SLC17A1: variants seen among roughly 807,000 people sequenced by gnomAD.
SLC17A1 encodes the protein sodium-dependent phosphate transport protein 1.
In SLC17A1, 51 loss-of-function variants were observed where a neutral mutation model predicts 53.5. The observed-to-expected ratio is 0.95, with a 90% CI of 0.76 to 1.20. The LOEUF is 1.20. Among genes scored for constraint, SLC17A1 ranks in the 50% most tolerant of loss-of-function variants. SLC17A1 has a pLI of 0.00. For synonymous variants in SLC17A1, 179 were observed against 198.8 expected (o/e 0.90, Z 0.84); for missense variants, 538 against 568.2 (o/e 0.95, Z 0.54).
chr6:25,728,070 T>A, the SLC17A1 span, among the ~76,000 whole-genome samples: 1 of 152,232 alleles, frequency 6.6e-6, no homozygotes, highest in South Asian at 2.1e-4. Context: ...TACTGGTATA[T>A]TTAAGGTTAG....
the SLC17A1 span, chr6:25,776,640 A>T: frequency 6.2e-7 from 1 of 1,613,658 alleles, no homozygotes; most frequent in African/African-American, 1.3e-5. Flanking sequence ...ATGTATCTGC[A>T]TTATCCTTGG....
chr6:25,744,600 C>T, the SLC17A1 span, among the ~76,000 whole-genome samples: 1 of 152,130 alleles, frequency 6.6e-6, no homozygotes, highest in African/African-American at 2.4e-5. Flanking sequence ...TTAGTATTTA[C>T]TCTCCATGCT....
chr6:25,818,362 T>C (rs950147187), intron 6 of SLC17A1, among the ~76,000 whole-genome samples: 2 of 152,214 alleles, frequency 1.3e-5, no homozygotes, highest in African/African-American at 4.8e-5. Flanking sequence ...TGCTAGATAT[T>C]CCGAGCTCCT....
At chr6:25,814,389 T>A (rs548782193) in intron 6 of SLC17A1, among the ~76,000 whole-genome samples, 9 of 152,304 alleles carry the variant, frequency 5.9e-5, no homozygotes, top group Admixed American at 3.9e-4. Context: ...ATTCATATAA[T>A]ACTGTTTATT....
At chr6:25,781,207 AAGAGAGAGAG>A (rs1187986077), downstream of SLC17A1, 1 of 119,546 alleles carries the variant, frequency 8.4e-6, no homozygotes, top group African/African-American at 3.0e-5. Context: ...AAAGAAAAGA[AAGAGAGAGAG>A]AGAGAGAGAA....
At chr6:25,781,063 C>T (rs543206865), downstream of SLC17A1, 1 of 152,056 alleles carries the variant, frequency 6.6e-6, no homozygotes, top group East Asian at 1.9e-4. Context: ...GTAGTGATTA[C>T]AATTTTTGCA....
chr6:25,771,899 G>A, the SLC17A1 span, among the ~76,000 whole-genome samples: 140 of 152,252 alleles, frequency 9.2e-4, no homozygotes, highest in Middle Eastern at 3.4e-3. Flanking sequence ...ATTTTACTAC[G>A]TTACAGTTTT....
the SLC17A1 span, among the ~76,000 whole-genome samples, chr6:25,730,019 G>A: frequency 2.0e-4 from 30 of 152,234 alleles, no homozygotes; most frequent in South Asian, 1.7e-3. Context: ...TTTTTAAAAT[G>A]TGTGATATAG....
chr6:25,790,039 A>C (rs1317680304), intron 12 of SLC17A1, among the ~76,000 whole-genome samples: 1 of 152,176 alleles, frequency 6.6e-6, no homozygotes, highest in African/African-American at 2.4e-5. Flanking sequence ...TGGTTAAGGA[A>C]AAAAAGCTCT....
chr6:25,784,168 C>T (rs1763329180), intron 12 of SLC17A1, among the ~76,000 whole-genome samples: 1 of 152,150 alleles, frequency 6.6e-6, no homozygotes, highest in African/African-American at 2.4e-5. Context: ...GAAACAGCTG[C>T]TTACATTGCC....
At chr6:25,752,721 G>T in the SLC17A1 span, among the ~76,000 whole-genome samples, 1 of 152,290 alleles carries the variant, frequency 6.6e-6, no homozygotes, top group South Asian at 2.1e-4. Flanking sequence ...GCGAGGCTGA[G>T]GTGGGCGGAT....
chr6:25,767,915 C>T, the SLC17A1 span, among the ~76,000 whole-genome samples: 1 of 152,118 alleles, frequency 6.6e-6, no homozygotes. Flanking sequence ...GGAAAAAGAA[C>T]AGTTACACAA....
chr6:25,825,496 A>G (rs936239943), intron 3 of SLC17A1, among the ~76,000 whole-genome samples: 1 of 151,962 alleles, frequency 6.6e-6, no homozygotes. Flanking sequence ...ATGGTTTCTG[A>G]TAAGAAGTCT....
chr6:25,830,984 G>A (rs2070642), intron 1 of SLC17A1, among the ~76,000 whole-genome samples: 50,796 of 152,006 alleles, frequency 0.33, 9,019 homozygotes, highest in East Asian at 0.69. Context: ...TCAGAAACTC[G>A]GCAGTATGAA....
chr6:25,741,893 G>A, the SLC17A1 span, among the ~76,000 whole-genome samples: 4 of 151,948 alleles, frequency 2.6e-5, no homozygotes, highest in South Asian at 2.1e-4. Flanking sequence ...AAAAAAAAAT[G>A]TATACAAAAT....
intron 10 of SLC17A1, among the ~76,000 whole-genome samples, chr6:25,806,099 C>G (rs1280421677): frequency 6.6e-6 from 1 of 151,980 alleles, no homozygotes; most frequent in Non-Finnish European, 1.5e-5. Context: ...GATCAATATC[C>G]CTGATGAACA....
intron 6 of SLC17A1, among the ~76,000 whole-genome samples, chr6:25,818,416 C>T (rs545406137): frequency 4.9e-4 from 75 of 152,250 alleles, no homozygotes; most frequent in African/African-American, 1.6e-3. Context: ...AGAATTTCAC[C>T]GGATCTCATA....
chr6:25,798,957 C>T, intron 11 of SLC17A1, 38 bp from the exon 12 acceptor site: 1 of 1,513,160 alleles, frequency 6.6e-7, no homozygotes, highest in East Asian at 2.3e-5. Context: ...TAAATTATTG[C>T]TCTTGTTTTT....
the SLC17A1 span, chr6:25,777,746 T>G: frequency 1.0e-5 from 6 of 578,046 alleles, no homozygotes; most frequent in East Asian, 1.7e-4. Flanking sequence ...TACATTTCAT[T>G]CAGGTTTCAC....
Sources: allele counts gnomAD v4.1 joint callset (sites outside exome capture counted in the v4.1 genomes callset), GRCh38; gene constraint gnomAD v4.1.1; transcripts MANE v1.5; gene names NCBI Gene and HGNC (gene_info 2026-07-23, HGNC 2026-07-21).